The following ARHGEF1 variants were observed in gnomAD, a reference collection of about 807,000 sequenced individuals.
ARHGEF1 encodes 115 kDa guanine nucleotide exchange factor.
Under a neutral mutation model 119.7 loss-of-function variants are expected in ARHGEF1, and 40 were observed. That is an observed-to-expected ratio of 0.33 (90% CI 0.26 to 0.44). The LOEUF is 0.44. Ranked by LOEUF, ARHGEF1 falls within the 20% of genes least tolerant of loss-of-function variation. The probability of loss-of-function intolerance (pLI) is 1.00; values close to 1 mark genes in which losing one functional copy is unlikely to be tolerated. For missense variants in ARHGEF1, 976 were observed against 1,268.3 expected (o/e 0.77, Z 3.50); for synonymous variants, 494 against 521.0 (o/e 0.95, Z 0.71).
rs1267251988 is a variant in ARHGEF1 at position 41,902,220 on chromosome 19, C to T, written c.1415-54C>T. 49 of 1,607,006 alleles carry T rather than the reference C, an allele frequency of 3.0e-5. No homozygotes were observed. The highest frequency in any genetic ancestry group is 3.7e-5 in the Non-Finnish European group (43 of 1,174,720). ...ACCCCCACCACACCGCAGCAGGCCCCGCACAGCATCTTCCAGACCCTGGTG... is the reference window on the plus strand; with the variant it reads ...ACCCCCACCACACCGCAGCAGGCCCTGCACAGCATCTTCCAGACCCTGGTG... On this transcript the variant is annotated intron_variant, in intron 15 of 28. Transcript: ENST00000354532. This position sits in a 1 kb window ranked among gnomAD's most constrained non-coding sequence, Gnocchi z 6.5.
Position 41,888,606 on chromosome 19 carries a change from A to G in ARHGEF1, c.112-146A>G. On this transcript the variant is annotated intron_variant, in intron 3 of 28. Transcript: ENST00000354532. The surrounding 1 kb of genome is among the most constrained non-coding windows in gnomAD (Gnocchi z 5.1). ...CTGAACACCTGCCCTTGCTGTCACC[A>G]TCATTTTTTGGACACTGTCACCACT... 1 of 688,500 alleles carries G rather than the reference A, an allele frequency of 1.5e-6. No individual in the cohort carries two copies. Among genetic ancestry groups the G allele is most frequent in the South Asian group, 1.8e-5 (1 of 55,026 alleles). The allele number at this position is 688,500 out of a possible 1,614,324, so 42.6% of individuals were successfully genotyped here. A position where few individuals can be genotyped will look rare whatever the true frequency, so the allele number is the denominator to read the frequency against.
Position 41,914,580 on chromosome 19 carries a change from TCCCTCCCTTTCCACCATCTCTGTCTC to T in ARHGEF1, c.1865+7778_1865+7803del, listed in dbSNP as rs1568831618. 5.2e-4 allele frequency among the ~76,000 whole-genome samples: 16 copies of T among 30,478 alleles called. 3 individuals are homozygous for T. The highest frequency in any genetic ancestry group is 2.1e-3 in the African/African-American group (16 of 7,706). 20.0% of individuals were successfully genotyped at this position (30,478 alleles called of 152,430 possible). A position where few individuals can be genotyped will look rare whatever the true frequency, so the allele number is the denominator to read the frequency against. On this transcript the variant is annotated intron_variant, in intron 18 of 20. Transcript: ENST00000599589. ...CTTCCACCATCTCTGTCTCCGTCTCTCCCTCCCTTTCCACCATCTCTGTCTCTCCCTCCCCTTCCACCATCTCTGTC... is the reference window on the plus strand; with the variant it reads ...CTTCCACCATCTCTGTCTCCGTCTCTTCCCTCCCCTTCCACCATCTCTGTC...
intron 14 of ARHGEF1, chr19:41,900,795 T>G (rs887569702): frequency 4.1e-5 from 6 of 146,674 alleles, no homozygotes; most frequent in South Asian, 2.3e-4. Flanking sequence ...GGTTTTTTTT[T>G]TTTTTTTTTT....
Position 41,902,150 on chromosome 19 carries a change from C to A in ARHGEF1, c.1414+117C>A. 1 of 1,553,726 alleles carries A rather than the reference C, an allele frequency of 6.4e-7. No homozygotes were observed. The highest frequency in any genetic ancestry group is 1.2e-5 in the South Asian group (1 of 84,662). On this transcript the variant is annotated intron_variant, in intron 15 of 28. Coordinates refer to ENST00000354532, the MANE Select transcript of ARHGEF1 (RefSeq NM_004706.4). The surrounding 1 kb of genome is among the most constrained non-coding windows in gnomAD (Gnocchi z 6.5). Reference sequence around the variant, plus strand: ...GGTTCACATGGGGTGGGGGCAGATACGCCATCCGGTCCCGAGGATCAGACA... The same window carrying A: ...GGTTCACATGGGGTGGGGGCAGATAAGCCATCCGGTCCCGAGGATCAGACA...
chr19:41,904,118 C>T lies in ARHGEF1; in HGVS notation c.1993+8C>T. ...CTAAGGACAAGGCAGTGGGTGAGTG[C>T]CAGAGCAGCTGCCTAGTGCAGGGTG... is the stretch of plus-strand genomic sequence containing the variant. On this transcript the variant is annotated splice_region_variant and intron_variant, in intron 21 of 28. Transcript: ENST00000354532. This position sits in a 1 kb window ranked among gnomAD's most constrained non-coding sequence, Gnocchi z 8.4. The T allele has an allele frequency of 6.2e-7, 1 of 1,614,160 alleles. No individual in the cohort carries two copies. Among genetic ancestry groups the T allele is most frequent in the Non-Finnish European group, 8.5e-7 (1 of 1,180,004 alleles).
At chr19:41,901,473 G>T (rs1237596211) in intron 14 of ARHGEF1, among the ~76,000 whole-genome samples, 4 of 152,020 alleles carry the variant, frequency 2.6e-5, no homozygotes, top group African/African-American at 9.7e-5. Flanking sequence ...ACAAGGTCTC[G>T]CTCTGTTGCT....
rs782719092 is a variant in ARHGEF1 at position 41,906,426 on chromosome 19, C to G, written c.2492-31C>G. On this transcript the variant is annotated intron_variant, in intron 26 of 28. Transcript: ENST00000354532. The surrounding 1 kb of genome is among the most constrained non-coding windows in gnomAD (Gnocchi z 4.5). ...AGATCCCAGCCCAGCCCCCTGGTCTCCTGACTCCACCCCTCCTTGCCCCTG... is the reference window on the plus strand; with the variant it reads ...AGATCCCAGCCCAGCCCCCTGGTCTGCTGACTCCACCCCTCCTTGCCCCTG... The G allele has an allele frequency of 5.9e-6, 9 of 1,528,042 alleles. No homozygotes were observed. The highest frequency in any genetic ancestry group is 7.0e-6 in the Non-Finnish European group (8 of 1,142,592). The allele number at this position is 1,528,042 out of a possible 1,614,324, so 94.7% of individuals were successfully genotyped here. A position where few individuals can be genotyped will look rare whatever the true frequency, so the allele number is the denominator to read the frequency against.
chr19:41,908,427 C>G, downstream of ARHGEF1: 1 of 1,231,184 alleles, frequency 8.1e-7, no homozygotes, highest in Non-Finnish European at 1.0e-6. The surrounding 1 kb of genome is among the most constrained non-coding windows in gnomAD (Gnocchi z 6.7). Flanking sequence ...GCCCGAGGGG[C>G]GCTCGGGGCC....
intron 1 of ARHGEF1, among the ~76,000 whole-genome samples, chr19:41,924,571 G>A (rs1172214965): frequency 6.6e-6 from 1 of 151,524 alleles, no homozygotes; most frequent in African/African-American, 2.4e-5. Context: ...GAGGGTAGGT[G>A]TTATGTGGTG....
chr19:41,907,316 G>T lies in ARHGEF1; in HGVS notation c.*229G>T. 1 of 1,534,074 alleles carries T rather than the reference G, an allele frequency of 6.5e-7. No homozygotes were observed. The highest frequency in any genetic ancestry group is 8.7e-7 in the Non-Finnish European group (1 of 1,146,070). ...TTGGGGGACTCAGGGCTCCATTCTG[G>T]AGGGCACCACGGTGACCCGGGCCAT... On this transcript the variant is annotated 3_prime_UTR_variant, in exon 29 of 29. Coordinates refer to ENST00000354532, the MANE Select transcript of ARHGEF1 (RefSeq NM_004706.4).
At chr19:41,908,457 G>C (rs1236438658), downstream of ARHGEF1, 1 of 1,231,240 alleles carries the variant, frequency 8.1e-7, no homozygotes. The surrounding 1 kb of genome is among the most constrained non-coding windows in gnomAD (Gnocchi z 6.7). Flanking sequence ...CCCTGTCGAG[G>C]CCAGCAGGGG....
At position 41,912,592 on chromosome 19, in the gene ARHGEF1, C is replaced by T. The variant is rs530158370; in HGVS notation, c.1865+5789C>T. Among the ~76,000 whole-genome samples, 4 of 152,328 alleles carry T rather than the reference C, an allele frequency of 2.6e-5. No homozygotes were observed. In the East Asian group the frequency reaches 5.8e-4, roughly 22 times the overall value. On this transcript the variant is annotated intron_variant, in intron 18 of 20. Coordinates refer to the ARHGEF1 transcript ENST00000599589. ...GGGATGCCCGGGCCTCGGGCCCCTCCGTCCTCACCCCTCACTCACTTCCGT... is the reference window on the plus strand; with the variant it reads ...GGGATGCCCGGGCCTCGGGCCCCTCTGTCCTCACCCCTCACTCACTTCCGT...
rs149118514 is a variant in ARHGEF1, at chr19:41,894,619, G to A, written c.842-7G>A. ...CCCACTCACTGTCTCATTCTCTCTCGTTTCAGTTCCAGATTTTCGACACCT... is the reference window on the plus strand; with the variant it reads ...CCCACTCACTGTCTCATTCTCTCTCATTTCAGTTCCAGATTTTCGACACCT... On this transcript the variant is annotated splice_polypyrimidine_tract_variant and splice_region_variant and intron_variant, in intron 10 of 28. Coordinates refer to ENST00000354532, the MANE Select transcript of ARHGEF1 (RefSeq NM_004706.4). 4.4e-3 allele frequency: 7,040 copies of A among 1,614,018 alleles called. 33 individuals carry two copies. The highest frequency in any genetic ancestry group is 0.017 in the Middle Eastern group (101 of 6,058).
In ARHGEF1 at chr19:41,887,339, C is replaced by T. The variant is rs188503509; in HGVS notation, c.-19-725C>T. Among the ~76,000 whole-genome samples the T allele has an allele frequency of 1.4e-3, 218 of 152,194 alleles. 1 individual carries two copies. Among genetic ancestry groups the T allele is most frequent in the African/African-American group, 5.0e-3 (208 of 41,534 alleles). Reference sequence around the variant, plus strand: ...ACAGCCAAGGAGAGCTGGCTGCGGACAGACCAAGGCGCACGTAGGGTGGAG... The same window carrying T: ...ACAGCCAAGGAGAGCTGGCTGCGGATAGACCAAGGCGCACGTAGGGTGGAG... On this transcript the variant is annotated intron_variant, in intron 1 of 28. Coordinates refer to ENST00000354532, the MANE Select transcript of ARHGEF1 (RefSeq NM_004706.4).
chr19:41,896,344 CTTCCA>C, intron 12 of ARHGEF1, 28 bp from the exon 13 acceptor site: 1 of 1,299,770 alleles, frequency 7.7e-7, no homozygotes, highest in South Asian at 2.1e-5. Flanking sequence ...CCGCAGAGGC[CTTCCA>C]GCCAGCCCTG....
At chr19:41,911,754 T>G (rs1433870325), downstream of ARHGEF1, among the ~76,000 whole-genome samples, 1 of 151,720 alleles carries the variant, frequency 6.6e-6, no homozygotes, top group Non-Finnish European at 1.5e-5. Flanking sequence ...GACCCCAAGG[T>G]GACAAGAGGA....
At chr19:41,908,107 A>G, downstream of ARHGEF1, 1 of 715,164 alleles carries the variant, frequency 1.4e-6, no homozygotes, top group Non-Finnish European at 1.9e-6. The surrounding 1 kb of genome is among the most constrained non-coding windows in gnomAD (Gnocchi z 6.7). Context: ...AGACTGGGGC[A>G]GCAATGTGCC....
At chr19:41,885,693 T>G (rs1416582460) in intron 1 of ARHGEF1, among the ~76,000 whole-genome samples, 1 of 152,134 alleles carries the variant, frequency 6.6e-6, no homozygotes, top group Non-Finnish European at 1.5e-5. Context: ...ATCTCTTGAC[T>G]TCGTGATCCG....
chr19:41,915,986 T>G (rs1365072085), intron 18 of ARHGEF1, among the ~76,000 whole-genome samples: 1 of 150,744 alleles, frequency 6.6e-6, no homozygotes, highest in Non-Finnish European at 1.5e-5. Flanking sequence ...CAGGCAAGCT[T>G]TAATTTTTAA....
Sources: gnomAD v4.1 joint callset for allele counts (sites outside exome capture counted in the v4.1 genomes callset) on GRCh38, gnomAD v4.1.1 for gene constraint, Gnocchi (gnomAD v3.1) non-coding constraint, MANE v1.5 for transcripts, NCBI Gene and HGNC (gene_info 2026-07-23, HGNC 2026-07-21) for gene names.